The following CLASP1 variants were observed in gnomAD, a reference collection of about 807,000 sequenced individuals.
CLASP1 encodes CLIP-associating protein 1.
A neutral mutation model predicts 192.3 loss-of-function variants in CLASP1; 38 were observed. The ratio of observed to expected loss-of-function variants is 0.20; its 90% CI spans 0.15 to 0.26. The LOEUF is 0.26. Ranked by LOEUF, CLASP1 falls within the 10% of genes least tolerant of loss-of-function variation. CLASP1 has a pLI of 1.00. For missense variants in CLASP1, 1,433 were observed against 1,932.5 expected (o/e 0.74, Z 4.85); for synonymous variants, 691 against 712.8 (o/e 0.97, Z 0.49).
intron 2 of CLASP1, among the ~76,000 whole-genome samples, chr2:121,603,924 G>A (rs938123455): frequency 6.6e-6 from 1 of 152,146 alleles, no homozygotes; most frequent in African/African-American, 2.4e-5. Flanking sequence ...AAGGACAGGA[G>A]GAAGAGAGGT....
rs551947632 is a variant in CLASP1, at chr2:121,478,719, C to A, written c.713-8759G>T. On this transcript the variant is annotated intron_variant, in intron 8 of 39. Coordinates refer to ENST00000263710, the Ensembl canonical transcript of CLASP1. ...CACAACCACACCCCACACACACAACCACACACACACCACACACACACCCCA... is the reference window on the plus strand; with the variant it reads ...CACAACCACACCCCACACACACAACAACACACACACCACACACACACCCCA... Among the ~76,000 whole-genome samples the A allele has an allele frequency of 4.6e-3, 268 of 58,370 alleles. 3 individuals are homozygous for A. Among genetic ancestry groups the A allele is most frequent in the African/African-American group, 0.016 (258 of 16,144 alleles). 38.3% of individuals were successfully genotyped at this position (58,370 alleles called of 152,430 possible).
intron 7 of CLASP1, among the ~76,000 whole-genome samples, chr2:121,512,554 T>A (rs912906568): frequency 4.6e-5 from 7 of 152,200 alleles, no homozygotes; most frequent in African/African-American, 1.7e-4. Flanking sequence ...AGGGAGACCC[T>A]CTAACATGAA....
intron 2 of CLASP1, among the ~76,000 whole-genome samples, chr2:121,569,049 T>C (rs1004313951): frequency 2.0e-5 from 3 of 151,100 alleles, no homozygotes; most frequent in Non-Finnish European, 2.9e-5. Flanking sequence ...GTTAATTTAC[T>C]CAATAAATAT....
chr2:121,531,097 A>G (rs577157886), intron 2 of CLASP1: 30 of 653,258 alleles, frequency 4.6e-5, no homozygotes, highest in Non-Finnish European at 6.5e-5. Context: ...TAGAGGGTGC[A>G]CAAGACGCGT....
intron 5 of CLASP1, 37 bp from the exon 6 acceptor site, chr2:121,525,957 C>T: frequency 6.6e-7 from 1 of 1,507,402 alleles, no homozygotes; most frequent in Non-Finnish European, 9.2e-7. Context: ...TTAGTGAGAA[C>T]TGAGGAAAGA....
At chr2:121,497,790 G>C (rs2093592257) in intron 8 of CLASP1, among the ~76,000 whole-genome samples, 1 of 152,098 alleles carries the variant, frequency 6.6e-6, no homozygotes, top group South Asian at 2.1e-4. Context: ...CACAATGTCT[G>C]CTCAAGGCAA....
chr2:121,576,035 C>T (rs529234781), intron 2 of CLASP1, among the ~76,000 whole-genome samples: 6 of 152,322 alleles, frequency 3.9e-5, no homozygotes, highest in South Asian at 2.1e-4. Context: ...CAAGGTATTA[C>T]ACAACCTGGC....
chr2:121,437,619 G>A (rs772824372), intron 19 of CLASP1, among the ~76,000 whole-genome samples: 2 of 152,156 alleles, frequency 1.3e-5, no homozygotes, highest in Admixed American at 1.3e-4. Flanking sequence ...GCACATTCTC[G>A]AGGGAGATTA....
chr2:121,365,395 T>A (rs1385558328), intron 35 of CLASP1, 111 bp from the exon 37 acceptor site: 2 of 1,019,886 alleles, frequency 2.0e-6, no homozygotes, highest in Non-Finnish European at 2.9e-6. Flanking sequence ...CCAGAGGCGA[T>A]GCCTCCTTCA....
At chr2:121,347,187 C>A (rs1455288999) in intron 38 of CLASP1, 33 bp from the exon 40 acceptor site, 1 of 1,413,208 alleles carries the variant, frequency 7.1e-7, no homozygotes, top group African/African-American at 1.4e-5. Flanking sequence ...GAAAAGGAAA[C>A]CAGATCAAAG....
chr2:121,380,377 G>T (rs2071354833), intron 33 of CLASP1, among the ~76,000 whole-genome samples: 1 of 152,148 alleles, frequency 6.6e-6, no homozygotes, highest in Non-Finnish European at 1.5e-5. Context: ...TAGAGGTCAG[G>T]CCCTGATCAC....
exon 9 of CLASP1, chr2:121,469,882 G>A: frequency 6.2e-7 from 1 of 1,613,840 alleles, no homozygotes; most frequent in East Asian, 2.2e-5. Context: ...CCGAGAACTT[G>A]GTGGAGCCTT....
chr2:121,433,696 C>T (rs1413666903), intron 19 of CLASP1, among the ~76,000 whole-genome samples: 2 of 152,194 alleles, frequency 1.3e-5, no homozygotes, highest in Admixed American at 6.5e-5. Flanking sequence ...GCAAAGGTTG[C>T]AGTGAGCTGA....
intron 6 of CLASP1, among the ~76,000 whole-genome samples, chr2:121,519,923 A>T (rs1184401191): frequency 6.6e-6 from 1 of 152,216 alleles, no homozygotes; most frequent in Non-Finnish European, 1.5e-5. Context: ...CTGGTCTCGC[A>T]CTGCCTCTCC....
At chr2:121,375,790 T>C (rs2149314744) in intron 34 of CLASP1, among the ~76,000 whole-genome samples, 1 of 152,326 alleles carries the variant, frequency 6.6e-6, no homozygotes, top group Admixed American at 6.5e-5. Context: ...TGCTTATCTG[T>C]CTGCCTCTCC....
intron 34 of CLASP1, among the ~76,000 whole-genome samples, chr2:121,369,182 G>A (rs868860342): frequency 1.8e-4 from 27 of 152,202 alleles, no homozygotes; most frequent in Non-Finnish European, 3.8e-4. Flanking sequence ...TGACACACTG[G>A]TGCACAAACA....
chr2:121,502,972 T>G (rs781669404), intron 8 of CLASP1, among the ~76,000 whole-genome samples, 195 bp downstream of exon 8: 11 of 152,168 alleles, frequency 7.2e-5, no homozygotes, highest in Non-Finnish European at 1.5e-4. Context: ...GCTAATAAAT[T>G]CAATACAGGT....
intron 1 of CLASP1, among the ~76,000 whole-genome samples, chr2:121,644,955 CAAAAAAAAAACAAAA>C (rs1279669423): frequency 5.4e-5 from 4 of 74,388 alleles, no homozygotes; most frequent in Admixed American, 3.2e-4. Context: ...AAAACTGTCT[CAAAAAAAAAACAAAA>C]AAAAAAAAAA....
intron 30 of CLASP1, among the ~76,000 whole-genome samples, chr2:121,395,133 A>G (rs2075072977): frequency 6.6e-6 from 1 of 152,076 alleles, no homozygotes; most frequent in African/African-American, 2.4e-5. Flanking sequence ...GAGCTGGAAG[A>G]AGACCTCAGC....
Sources: gnomAD v4.1 joint callset for allele counts (sites outside exome capture counted in the v4.1 genomes callset) on GRCh38, gnomAD v4.1.1 for gene constraint, MANE v1.5 for transcripts, NCBI Gene and HGNC (gene_info 2026-07-23, HGNC 2026-07-21) for gene names.